Variants in ASPH observed in about 807,000 individuals in gnomAD.
ASPH encodes aspartyl/asparaginyl beta-hydroxylase.
A neutral mutation model predicts 118.4 loss-of-function variants in ASPH; 100 were observed. The ratio of observed to expected loss-of-function variants is 0.84; its 90% confidence interval spans 0.72 to 1.00. The LOEUF (loss-of-function observed/expected upper bound fraction) is 1.00, where lower values mean the gene tolerates loss of function less well. Ranked by LOEUF, ASPH falls within the 50% of genes least tolerant of loss-of-function variation. The pLI is 0.00. For missense variants in ASPH, 920 were observed against 919.5 expected (o/e 1.00, Z -0.01); for synonymous variants, 315 against 325.6 (o/e 0.97, Z 0.35).
intron 3 of ASPH, chr8:61,659,413 C>A (rs1815555997): frequency 6.6e-6 from 1 of 152,120 alleles, no homozygotes; most frequent in Admixed American, 6.5e-5. Context: ...AGAAGTGATA[C>A]ATAAGGCAAA....
rs372824907 is a variant in ASPH at position 61,619,006 on chromosome 8, T to C, written c.948A>G (p.Lys316=). The C allele has an allele frequency of 2.5e-6, 4 of 1,605,666 alleles. No individual in the cohort carries two copies. Among genetic ancestry groups the C allele is most frequent in the Non-Finnish European group, 3.4e-6 (4 of 1,173,580 alleles). ...QQEVPPETNR[K]TDDPEQKAKV... is the part of the protein sequence containing the mutation. ...TTGCTTTTTGTTCTGGATCATCTGT[T>C]TTTCTATTTGTTTCTGAAAATTAAA... The change falls in exon 14 of 25, where the codon AAA becomes AAG. Residue 316 remains lysine (K), a synonymous_variant. Coordinates refer to ENST00000379454, the MANE Select transcript of ASPH (RefSeq NM_004318.4).
At chr8:61,708,925 G>A (rs897860268) in intron 1 of ASPH, among the ~76,000 whole-genome samples, 1 of 129,428 alleles carries the variant, frequency 7.7e-6, no homozygotes, top group Non-Finnish European at 1.6e-5. Context: ...CTCCGCTCTG[G>A]AGCACACATA....
At chr8:61,587,107 A>G (rs1839703795) in intron 14 of ASPH, among the ~76,000 whole-genome samples, 1 of 152,188 alleles carries the variant, frequency 6.6e-6, no homozygotes, top group African/African-American at 2.4e-5. Flanking sequence ...TCATCTTTTA[A>G]TTACTTACAC....
chr8:61,578,221 T>C (rs1240580516), intron 15 of ASPH: 111 of 1,574,990 alleles, frequency 7.0e-5, no homozygotes, highest in South Asian at 1.9e-4. Context: ...GCCTCCACCA[T>C]GTCCATCAGG....
At chr8:61,712,305 AC>A (rs1195165717) in intron 1 of ASPH, among the ~76,000 whole-genome samples, 8 of 152,322 alleles carry the variant, frequency 5.3e-5, no homozygotes, top group Admixed American at 1.3e-4. Context: ...AGTACAGCCT[AC>A]TATACACGAC....
intron 3 of ASPH, among the ~76,000 whole-genome samples, chr8:61,655,297 C>T (rs767562937): frequency 8.5e-5 from 13 of 152,140 alleles, no homozygotes; most frequent in Admixed American, 2.0e-4. Context: ...CACATTAGTA[C>T]TTCTCTACTC....
At chr8:61,622,575 C>T (rs1443435803) in intron 13 of ASPH, among the ~76,000 whole-genome samples, 1 of 152,230 alleles carries the variant, frequency 6.6e-6, no homozygotes, top group Non-Finnish European at 1.5e-5. Flanking sequence ...CACGTCACAG[C>T]TTTCCAGTCT....
At position 61,501,203 on chromosome 8, in the gene ASPH, T is replaced by C. The variant is rs772526554; in HGVS notation, c.*2156A>G. ...CTTTTCTTATGTACCAAGACATAGATAGGTAAGAGAAATAAAGAATTGAAG... is the reference window on the plus strand; with the variant it reads ...CTTTTCTTATGTACCAAGACATAGACAGGTAAGAGAAATAAAGAATTGAAG... On this transcript the variant is annotated 3_prime_UTR_variant, in exon 25 of 25. Transcript: ENST00000379454. 1.4e-5 allele frequency: 2 copies of C among 146,986 alleles called. No homozygotes were observed. The highest frequency in any genetic ancestry group is 4.9e-5 in the African/African-American group (2 of 41,116). The allele number at this position is 146,986 out of a possible 1,614,324, so 9.1% of individuals were successfully genotyped here.
At chr8:61,532,541 C>A (rs780411666) in intron 21 of ASPH, among the ~76,000 whole-genome samples, 2 of 152,068 alleles carry the variant, frequency 1.3e-5, no homozygotes, top group Non-Finnish European at 2.9e-5. Context: ...GCTGTAGTCC[C>A]ACTTGTTCAT....
At chr8:61,528,034 C>A (rs1358643436) in intron 21 of ASPH, among the ~76,000 whole-genome samples, 1 of 152,184 alleles carries the variant, frequency 6.6e-6, no homozygotes, top group Admixed American at 6.5e-5. Flanking sequence ...GGGAGTTCAT[C>A]TTGTTTGCCA....
chr8:61,552,279 A>T (rs1826289610), intron 20 of ASPH, among the ~76,000 whole-genome samples: 1 of 152,224 alleles, frequency 6.6e-6, no homozygotes, highest in Non-Finnish European at 1.5e-5. Context: ...ATAAATCGTA[A>T]ATCATGGTAG....
intron 13 of ASPH, among the ~76,000 whole-genome samples, chr8:61,630,801 T>C (rs966368900): frequency 6.6e-6 from 1 of 152,214 alleles, no homozygotes; most frequent in East Asian, 1.9e-4. Flanking sequence ...TTAGACTATA[T>C]TCTTACTTGT....
At chr8:61,549,703 CT>C (rs1370684195) in intron 20 of ASPH, among the ~76,000 whole-genome samples, 8 of 152,038 alleles carry the variant, frequency 5.3e-5, no homozygotes, top group African/African-American at 1.7e-4. Flanking sequence ...TAGGATTTTA[CT>C]TCCTATGCTT....
chr8:61,501,122 C>T lies in ASPH; in HGVS notation c.*2237G>A, dbSNP rs927766965. 5 of 151,830 alleles carry T rather than the reference C, an allele frequency of 3.3e-5. No homozygotes were observed. The highest frequency in any genetic ancestry group is 2.1e-4 in the South Asian group (1 of 4,816). The allele number at this position is 151,830 out of a possible 1,614,324, so 9.4% of individuals were successfully genotyped here. A position where few individuals can be genotyped will look rare whatever the true frequency, so the allele number is the denominator to read the frequency against. On this transcript the variant is annotated 3_prime_UTR_variant, in exon 25 of 25. Coordinates refer to ENST00000379454, the MANE Select transcript of ASPH (RefSeq NM_004318.4). ...ACTAATTCATTTTTGTGTAGACATA[C>T]GAAATCACAAAAATAATAACACTGA...
chr8:61,672,357 G>C (rs1006878631), intron 3 of ASPH, among the ~76,000 whole-genome samples: 1 of 152,054 alleles, frequency 6.6e-6, no homozygotes, highest in African/African-American at 2.4e-5. Flanking sequence ...ATTACATCCA[G>C]AGACAGAGAA....
At position 61,651,610 on chromosome 8, in the gene ASPH, A is replaced by C. The variant is rs116700901; in HGVS notation, c.416-486T>G. Among the ~76,000 whole-genome samples the C allele has an allele frequency of 2.7e-3, 416 of 152,342 alleles. 2 individuals are homozygous for C. Among genetic ancestry groups the C allele is most frequent in the African/African-American group, 9.6e-3 (400 of 41,590 alleles). ...AAAGGGCACTCCTGCAGGTGAGAGG[A>C]CTGAATACTCAGAGGTAGCCGACTG... On this transcript the variant is annotated intron_variant, in intron 4 of 24. Transcript: ENST00000379454.
At position 61,548,175 on chromosome 8, in the gene ASPH, C is replaced by A; in HGVS notation, c.1660G>T (p.Gly554Ter). Reference protein sequence around the residue: ...YKWYELGHKRGHFASVWQRSL... With the variant: ...YKWYELGHKR ...CGTTGCCAGACAGATGCAAAGTGTC[C>A]TCTCTTGTGCCCAAGCTCATACCAC... The change falls in exon 21 of 25, where the codon GGA becomes TGA. Residue 554 changes from glycine to a stop codon, truncating the protein, a stop_gained. Coordinates refer to ENST00000379454, the MANE Select transcript of ASPH (RefSeq NM_004318.4). LOFTEE classifies it high-confidence loss of function. The A allele has an allele frequency of 6.2e-7, 1 of 1,613,856 alleles. No individual in the cohort carries two copies. The highest frequency in any genetic ancestry group is 8.5e-7 in the Non-Finnish European group (1 of 1,179,858).
intron 2 of ASPH, among the ~76,000 whole-genome samples, chr8:61,681,771 C>T (rs1353928357): frequency 6.6e-6 from 1 of 151,810 alleles, no homozygotes; most frequent in Non-Finnish European, 1.5e-5. Flanking sequence ...ACCTTTCCTC[C>T]TGATGAACAG....
intron 13 of ASPH, chr8:61,628,283 C>G (rs539915518): frequency 4.8e-5 from 15 of 312,072 alleles, no homozygotes; most frequent in South Asian, 3.1e-4. Context: ...CCTCAGCCTT[C>G]TGAGTAGCTA....
Sources: allele counts gnomAD v4.1 joint callset (sites outside exome capture counted in the v4.1 genomes callset), GRCh38; gene constraint gnomAD v4.1.1; transcripts MANE v1.5; gene names NCBI Gene and HGNC (gene_info 2026-07-23, HGNC 2026-07-21).